The following MLLT3 variants were observed in gnomAD, a reference collection of about 807,000 sequenced individuals.
MLLT3 encodes the protein MLLT3 super elongation complex subunit.
A neutral mutation model predicts 53.2 loss-of-function variants in MLLT3; 4 were observed. The observed-to-expected ratio is 0.08, with a 90% CI of 0.04 to 0.17. The LOEUF is 0.17. Among genes scored for constraint, MLLT3 ranks in the 10% least tolerant of loss-of-function variants. MLLT3 has a pLI of 1.00. For missense variants in MLLT3, 569 were observed against 684.0 expected (o/e 0.83, Z 1.87); for synonymous variants, 283 against 230.6 (o/e 1.23, Z -2.06).
At chr9:20,598,072 G>C (rs1312033641) in intron 2 of MLLT3, among the ~76,000 whole-genome samples, 2 of 152,254 alleles carry the variant, frequency 1.3e-5, no homozygotes, top group Admixed American at 6.5e-5. Context: ...TCTTAGCCCA[G>C]ATCTATTTTT....
At chr9:20,534,287 C>G (rs1818421701) in intron 2 of MLLT3, among the ~76,000 whole-genome samples, 1 of 152,184 alleles carries the variant, frequency 6.6e-6, no homozygotes. Flanking sequence ...GCAATGGCAA[C>G]GATGGGAAAA....
chr9:20,571,417 A>C (rs1819529236), intron 2 of MLLT3, among the ~76,000 whole-genome samples: 1 of 152,200 alleles, frequency 6.6e-6, no homozygotes, highest in Non-Finnish European at 1.5e-5. Flanking sequence ...ACTCAATTCA[A>C]TAACAATAAA....
intron 2 of MLLT3, among the ~76,000 whole-genome samples, chr9:20,581,728 C>T (rs1251774261): frequency 6.6e-6 from 1 of 152,158 alleles, no homozygotes; most frequent in Non-Finnish European, 1.5e-5. Context: ...GCAATTCTAT[C>T]AGGTACAAGG....
At chr9:20,528,709 A>G (rs144525658) in intron 2 of MLLT3, among the ~76,000 whole-genome samples, 1 of 152,196 alleles carries the variant, frequency 6.6e-6, no homozygotes, top group South Asian at 2.1e-4. Flanking sequence ...TAGGATACTT[A>G]AGATGAAATT....
Position 20,550,086 on chromosome 9 carries a change from G to C in MLLT3, c.193+70568C>G, listed in dbSNP as rs184000464. Among the ~76,000 whole-genome samples the C allele has an allele frequency of 3.3e-5, 5 of 152,230 alleles. No individual in the cohort carries two copies. The East Asian group carries it at 7.7e-4, about 24-fold the overall frequency. On this transcript the variant is annotated intron_variant, in intron 2 of 10. Transcript: ENST00000380338. ...TTCAATAATGGGGGCATGGACACACGCATTAAAATCTCACCTACAATTCAA... is the reference window on the plus strand; with the variant it reads ...TTCAATAATGGGGGCATGGACACACCCATTAAAATCTCACCTACAATTCAA...
chr9:20,372,796 T>G lies in MLLT3; in HGVS notation c.1126-7052A>C, dbSNP rs1183426277. 2.0e-5 allele frequency among the ~76,000 whole-genome samples: 3 copies of G among 152,040 alleles called. No homozygotes were observed. In the East Asian group the frequency reaches 5.8e-4, roughly 29 times the overall value. On this transcript the variant is annotated intron_variant, in intron 5 of 10. Coordinates refer to ENST00000380338, the MANE Select transcript of MLLT3 (RefSeq NM_004529.4). ...TAGTCATCAGCATCTGGGCGAGAAC[T>G]TCTACCAGCAAAAAGACTATGACTA...
chr9:20,606,373 G>A (rs1820569854), intron 2 of MLLT3, among the ~76,000 whole-genome samples: 1 of 151,900 alleles, frequency 6.6e-6, no homozygotes, highest in Admixed American at 6.6e-5. Flanking sequence ...GGAAAACTCA[G>A]AAAAAAACAG....
At chr9:20,484,001 G>A (rs551472186) in intron 2 of MLLT3, among the ~76,000 whole-genome samples, 5 of 152,098 alleles carry the variant, frequency 3.3e-5, no homozygotes, top group East Asian at 3.9e-4. Flanking sequence ...GTGAGCCACC[G>A]TGCCCGGCCC....
rs1257064213 is a variant in MLLT3, at chr9:20,344,100, T to A, written c.*2343A>T. On this transcript the variant is annotated 3_prime_UTR_variant, in exon 11 of 11. Transcript: ENST00000380338. ...TACATTTTAGGATATTCTGAAGAAA[T>A]TAACTTTATTACCTAATTTTCAAGT... 1 of 196,768 alleles carries A rather than the reference T, an allele frequency of 5.1e-6. No homozygotes were observed. Among genetic ancestry groups the A allele is most frequent in the Non-Finnish European group, 1.1e-5 (1 of 95,080 alleles). The allele number at this position is 196,768 out of a possible 1,614,324, so 12.2% of individuals were successfully genotyped here.
chr9:20,353,352 A>T (rs1273038939), intron 10 of MLLT3, among the ~76,000 whole-genome samples, 173 bp downstream of exon 10: 4 of 152,232 alleles, frequency 2.6e-5, no homozygotes, highest in African/African-American at 9.6e-5. Flanking sequence ...GCTCCAGAGC[A>T]GACTTCTAGG....
intron 2 of MLLT3, among the ~76,000 whole-genome samples, chr9:20,573,137 C>T (rs1325341227): frequency 1.6e-4 from 23 of 140,296 alleles, no homozygotes; most frequent in African/African-American, 5.0e-4. Flanking sequence ...TTTTTTTTTT[C>T]GCTGTTGTGT....
intron 2 of MLLT3, among the ~76,000 whole-genome samples, chr9:20,507,754 A>C (rs1352841273): frequency 4.6e-5 from 7 of 151,720 alleles, no homozygotes; most frequent in Non-Finnish European, 8.8e-5. Flanking sequence ...AAAAAAAAAA[A>C]AAAAACAAAT....
intron 10 of MLLT3, 142 bp from the exon 11 acceptor site, chr9:20,346,716 G>A (rs1820880004): frequency 1.3e-6 from 1 of 744,762 alleles, no homozygotes. Flanking sequence ...ACCATGAATA[G>A]CATTAAACTG....
chr9:20,520,066 A>C lies in MLLT3; in HGVS notation c.194-63280T>G, dbSNP rs370654425. Among the ~76,000 whole-genome samples the C allele has an allele frequency of 2.8e-4, 42 of 152,274 alleles. 2 individuals carry two copies. The East Asian group carries it at 6.0e-3, about 22-fold the overall frequency. ...TTTGCAGGGACATGGGTGGAGCTGG[A>C]GGCCATTATCTTTAGGAAACTTAAC... On this transcript the variant is annotated intron_variant, in intron 2 of 10. Coordinates refer to ENST00000380338, the MANE Select transcript of MLLT3 (RefSeq NM_004529.4).
intron 2 of MLLT3, among the ~76,000 whole-genome samples, chr9:20,610,433 A>C (rs1820673298): frequency 6.6e-6 from 1 of 152,184 alleles, no homozygotes; most frequent in African/African-American, 2.4e-5. Flanking sequence ...TTCCTGCTAA[A>C]TTCAAGTGGT....
chr9:20,621,948 T>G lies in MLLT3; in HGVS notation c.12+297A>C. 2.9e-6 allele frequency: 4 copies of G among 1,373,156 alleles called. No individual in the cohort carries two copies. Among genetic ancestry groups the G allele is most frequent in the South Asian group, 1.7e-5 (1 of 59,290 alleles). The allele number at this position is 1,373,156 out of a possible 1,614,324, so 85.1% of individuals were successfully genotyped here. ...GTGCGCGCGTGTGAGCGAGAGGGAG[T>G]GTGTGAGTGCGCTTCTTGTGACTGC... On this transcript the variant is annotated intron_variant, in intron 1 of 10. Transcript: ENST00000380338. This position sits in a 1 kb window ranked among gnomAD's most constrained non-coding sequence, Gnocchi z 7.0.
chr9:20,478,230 A>G (rs1335727260), intron 2 of MLLT3, among the ~76,000 whole-genome samples: 1 of 152,224 alleles, frequency 6.6e-6, no homozygotes, highest in East Asian at 1.9e-4. Context: ...CTCTTCTCAG[A>G]TATGTTAATT....
chr9:20,466,519 T>G (rs1403072589), intron 2 of MLLT3, among the ~76,000 whole-genome samples: 2 of 152,220 alleles, frequency 1.3e-5, no homozygotes, highest in African/African-American at 4.8e-5. Context: ...AGTATCAGTT[T>G]ACTGTTTTCT....
chr9:20,548,909 G>A (rs1024598660), intron 2 of MLLT3, among the ~76,000 whole-genome samples: 14 of 151,276 alleles, frequency 9.3e-5, no homozygotes, highest in African/African-American at 2.7e-4. Flanking sequence ...GACCTCCCCC[G>A]GCTCAGCTGA....
Sources: gnomAD v4.1 joint callset for allele counts (sites outside exome capture counted in the v4.1 genomes callset) on GRCh38, gnomAD v4.1.1 for gene constraint, Gnocchi (gnomAD v3.1) non-coding constraint, MANE v1.5 for transcripts, NCBI Gene and HGNC (gene_info 2026-07-23, HGNC 2026-07-21) for gene names.